The following SAMD5 variants were observed in gnomAD, a reference collection of about 807,000 sequenced individuals.
The protein encoded by SAMD5 is sterile alpha motif domain-containing protein 5.
SAMD5 carries 13 observed loss-of-function variants against 11.3 expected under a neutral mutation model. The observed-to-expected ratio is 1.15, with a 90% CI of 0.75 to 1.83. The LOEUF (loss-of-function observed/expected upper bound fraction) is 1.83. SAMD5 is among the 40% of genes most tolerant of loss of function. The pLI is 0.00. For synonymous variants in SAMD5, 129 were observed against 111.3 expected (o/e 1.16, Z -1.00); for missense variants, 255 against 239.1 (o/e 1.07, Z -0.44).
intron 1 of SAMD5, among the ~76,000 whole-genome samples, chr6:147,722,498 C>G (rs1402272663): frequency 1.3e-5 from 2 of 152,150 alleles, no homozygotes; most frequent in African/African-American, 4.8e-5. Flanking sequence ...TCATAGAAAA[C>G]TCTCATTTAA....
chr6:147,621,333 G>A (rs1241971282), intron 1 of SAMD5, among the ~76,000 whole-genome samples: 3 of 152,198 alleles, frequency 2.0e-5, no homozygotes, highest in African/African-American at 7.2e-5. Flanking sequence ...TGGAAAGATA[G>A]TCAATGGAGC....
chr6:147,539,794 AG>A (rs1788570992), intron 1 of SAMD5, among the ~76,000 whole-genome samples: 1 of 152,098 alleles, frequency 6.6e-6, no homozygotes, highest in South Asian at 2.1e-4. Context: ...AAAAACCTAA[AG>A]GCCTTTTAAA....
chr6:147,755,162 T>A, the SAMD5 span, among the ~76,000 whole-genome samples: 1 of 152,146 alleles, frequency 6.6e-6, no homozygotes, highest in Non-Finnish European at 1.5e-5. Context: ...TATGGACATT[T>A]TAACAATATT....
At chr6:147,548,311 G>A (rs1788717340) in intron 1 of SAMD5, among the ~76,000 whole-genome samples, 1 of 152,136 alleles carries the variant, frequency 6.6e-6, no homozygotes, top group South Asian at 2.1e-4. Flanking sequence ...CCTCCTCAGA[G>A]AGACCATCAT....
At chr6:147,827,152 G>A in the SAMD5 span, among the ~76,000 whole-genome samples, 8 of 152,250 alleles carry the variant, frequency 5.3e-5, no homozygotes, top group South Asian at 2.1e-4. Flanking sequence ...AAATTAGCTC[G>A]GAGTGCAAAT....
chr6:147,739,803 T>G (rs758918182), downstream of SAMD5, among the ~76,000 whole-genome samples: 9 of 152,082 alleles, frequency 5.9e-5, no homozygotes, highest in Non-Finnish European at 1.2e-4. Context: ...TTAATTTTAT[T>G]TGTATTTTCT....
chr6:147,854,093 C>T, the SAMD5 span, among the ~76,000 whole-genome samples: 7 of 152,242 alleles, frequency 4.6e-5, no homozygotes, highest in East Asian at 7.7e-4. Flanking sequence ...TGAAAATCAT[C>T]GCTCAGGAGG....
At chr6:147,817,268 A>G in the SAMD5 span, among the ~76,000 whole-genome samples, 1 of 152,244 alleles carries the variant, frequency 6.6e-6, no homozygotes, top group East Asian at 1.9e-4. Flanking sequence ...TATTCATGGG[A>G]AAGTGAATGG....
At chr6:147,780,450 C>T in the SAMD5 span, among the ~76,000 whole-genome samples, 2 of 152,120 alleles carry the variant, frequency 1.3e-5, no homozygotes, top group Non-Finnish European at 2.9e-5. Flanking sequence ...TCAGGTGATC[C>T]GCCCATCTTG....
the SAMD5 span, among the ~76,000 whole-genome samples, chr6:147,942,077 T>C: frequency 6.6e-6 from 1 of 152,100 alleles, no homozygotes; most frequent in African/African-American, 2.4e-5. Flanking sequence ...TTTCACCATG[T>C]TGGTTGGTCA....
rs377314094 is a variant in SAMD5 at position 147,734,950 on chromosome 6, A to G, written c.163-2367A>G. 7.9e-5 allele frequency among the ~76,000 whole-genome samples: 12 copies of G among 152,216 alleles called. No individual in the cohort carries two copies. The South Asian group carries it at 2.5e-3, about 32-fold the overall frequency. On this transcript the variant is annotated intron_variant, in intron 1 of 1. Coordinates refer to the SAMD5 transcript ENST00000566741. ...CATCATGACTTGATATTGGCTGCCAAAATGATATATGTGCCTCATATCTTC... is the reference window on the plus strand; with the variant it reads ...CATCATGACTTGATATTGGCTGCCAGAATGATATATGTGCCTCATATCTTC...
chr6:147,730,074 C>CAAAAAAAAAAAAAAA (rs34624038), intron 1 of SAMD5: 129 of 308,090 alleles, frequency 4.2e-4, no homozygotes, highest in South Asian at 6.0e-4. Flanking sequence ...GACTCTGTCT[C>CAAAAAAAAAAAAAAA]AAAAAAAAAA....
chr6:147,622,614 T>A (rs1315911399), intron 1 of SAMD5, among the ~76,000 whole-genome samples: 1 of 152,180 alleles, frequency 6.6e-6, no homozygotes, highest in African/African-American at 2.4e-5. Context: ...CCAGGAACTA[T>A]TTCCTGTCAC....
At chr6:147,799,542 G>T in the SAMD5 span, among the ~76,000 whole-genome samples, 1 of 151,326 alleles carries the variant, frequency 6.6e-6, no homozygotes, top group African/African-American at 2.4e-5. Context: ...TGACAATTAT[G>T]TGTCTTGGAG....
the SAMD5 span, among the ~76,000 whole-genome samples, chr6:147,880,328 CCTT>C: frequency 6.6e-6 from 1 of 152,028 alleles, no homozygotes; most frequent in East Asian, 1.9e-4. Flanking sequence ...TTCTCCCTCT[CCTT>C]CTCTTTCTTT....
chr6:147,945,686 T>C, the SAMD5 span, among the ~76,000 whole-genome samples: 1 of 152,120 alleles, frequency 6.6e-6, no homozygotes, highest in Non-Finnish European at 1.5e-5. Context: ...TGAACAATGG[T>C]GGCAGAGTAA....
the SAMD5 span, among the ~76,000 whole-genome samples, chr6:147,790,709 A>G: frequency 6.6e-6 from 1 of 151,196 alleles, no homozygotes; most frequent in African/African-American, 2.4e-5. Flanking sequence ...CAGAGAGAAT[A>G]AATACAAAAG....
chr6:147,745,134 A>G, the SAMD5 span, among the ~76,000 whole-genome samples: 1 of 152,228 alleles, frequency 6.6e-6, no homozygotes, highest in South Asian at 2.1e-4. Context: ...TTTTAGAGCT[A>G]TATACACAAA....
At chr6:147,767,845 T>A in the SAMD5 span, among the ~76,000 whole-genome samples, 4 of 152,194 alleles carry the variant, frequency 2.6e-5, no homozygotes, top group Non-Finnish European at 5.9e-5. Flanking sequence ...AAGGTGGCCC[T>A]TTACAATTGA....
Sources: gnomAD v4.1 joint callset for allele counts (sites outside exome capture counted in the v4.1 genomes callset) on GRCh38, gnomAD v4.1.1 for gene constraint, MANE v1.5 for transcripts, NCBI Gene and HGNC (gene_info 2026-07-23, HGNC 2026-07-21) for gene names.